PCDHA3: variants seen among roughly 807,000 people sequenced by gnomAD.
PCDHA3 encodes protocadherin alpha-3.
Under a neutral mutation model 62.2 loss-of-function variants are expected in PCDHA3, and 41 were observed. That is an observed-to-expected ratio of 0.66 (90% CI 0.51 to 0.86). The LOEUF is 0.86. Among genes scored for constraint, PCDHA3 ranks in the 40% least tolerant of loss-of-function variants. The probability of loss-of-function intolerance (pLI) is 0.00; values close to 1 mark genes in which losing one functional copy is unlikely to be tolerated. For synonymous variants in PCDHA3, 640 were observed against 555.4 expected (o/e 1.15, Z -2.14); for missense variants, 1,304 against 1,241.2 (o/e 1.05, Z -0.76).
intron 1 of PCDHA3, chr5:140,876,955 G>A: frequency 6.2e-7 from 1 of 1,613,390 alleles, no homozygotes; most frequent in Non-Finnish European, 8.5e-7. Context: ...CTACTCGCTG[G>A]TGGAGCGGCG....
At chr5:140,841,243 T>G in intron 1 of PCDHA3, 1 of 1,494,736 alleles carries the variant, frequency 6.7e-7, no homozygotes, top group Non-Finnish European at 9.0e-7. Flanking sequence ...GCAGCGGAAT[T>G]GGATTAAAAG....
At chr5:140,955,126 G>T (rs947007538) in intron 1 of PCDHA3, among the ~76,000 whole-genome samples, 6 of 152,110 alleles carry the variant, frequency 3.9e-5, no homozygotes, top group African/African-American at 1.4e-4. Flanking sequence ...CTGTTCCACT[G>T]GTCTACACGT....
chr5:140,889,035 T>C (rs1554183751), intron 1 of PCDHA3, among the ~76,000 whole-genome samples: 2 of 152,104 alleles, frequency 1.3e-5, no homozygotes. Flanking sequence ...AACCGTAATT[T>C]GATTATAATT....
Position 140,978,948 on chromosome 5 carries a change from G to A in PCDHA3, c.2395-1G>A, listed in dbSNP as rs1554239939. On this transcript the variant is annotated splice_acceptor_variant, in intron 1 of 3. Transcript: ENST00000522353. LOFTEE classifies it high-confidence loss of function. ...AGAAAACTCTCTTTGTGATTTTGCA[G>A]CCACGACAGCCCAACCCTGACTGGC... is the stretch of plus-strand genomic sequence containing the variant. 1 of 1,614,128 alleles carries A rather than the reference G, an allele frequency of 6.2e-7. No individual in the cohort carries two copies. The highest frequency in any genetic ancestry group is 8.5e-7 in the Non-Finnish European group (1 of 1,180,018).
At chr5:140,878,747 A>G (rs1371286502) in intron 1 of PCDHA3, among the ~76,000 whole-genome samples, 1 of 152,186 alleles carries the variant, frequency 6.6e-6, no homozygotes, top group Non-Finnish European at 1.5e-5. Context: ...ACTTTCTTAC[A>G]TATCTTTAGT....
chr5:140,843,685 G>T (rs2150365041), intron 1 of PCDHA3: 1 of 1,589,062 alleles, frequency 6.3e-7, no homozygotes, highest in Non-Finnish European at 8.6e-7. Flanking sequence ...TAGGCGAAGA[G>T]CAAGATTTAA....
chr5:140,807,778 G>C, intron 1 of PCDHA3: 1 of 1,614,134 alleles, frequency 6.2e-7, no homozygotes, highest in Non-Finnish European at 8.5e-7. Context: ...TTATATTACG[G>C]AAATCTTTAG....
chr5:140,877,144 G>C, intron 1 of PCDHA3: 2 of 1,613,772 alleles, frequency 1.2e-6, no homozygotes, highest in South Asian at 1.1e-5. Context: ...CGTGCTGGAC[G>C]AGAACGACAA....
intron 1 of PCDHA3, chr5:140,824,450 T>C (rs1768125809): frequency 2.2e-6 from 1 of 452,052 alleles, no homozygotes; most frequent in African/African-American, 2.0e-5. Context: ...TATGACTACA[T>C]GAAAATTTAT....
At chr5:140,846,541 A>AT (rs1226302144) in intron 1 of PCDHA3, among the ~76,000 whole-genome samples, 1 of 147,480 alleles carries the variant, frequency 6.8e-6, no homozygotes, top group Non-Finnish European at 1.5e-5. Flanking sequence ...TGCCCTGCTA[A>AT]TTTTTTGTAT....
chr5:140,853,750 C>T (rs2042854263), intron 1 of PCDHA3: 1 of 988,454 alleles, frequency 1.0e-6, no homozygotes, highest in Non-Finnish European at 1.2e-6. Context: ...TGGTTCAAGG[C>T]TCCACCTCAG....
chr5:140,822,947 A>G (rs2150120611), intron 1 of PCDHA3: 1 of 1,614,124 alleles, frequency 6.2e-7, no homozygotes, highest in African/African-American at 1.3e-5. Context: ...CTAATGCCCC[A>G]CGTTCCCTTC....
At chr5:140,836,668 A>T in intron 1 of PCDHA3, 1 of 1,613,338 alleles carries the variant, frequency 6.2e-7, no homozygotes, top group Non-Finnish European at 8.5e-7. Context: ...TGCTCTGGGG[A>T]GGGCCCACCC....
intron 1 of PCDHA3, chr5:140,816,943 G>C (rs1258543587): frequency 1.3e-5 from 2 of 152,118 alleles, no homozygotes; most frequent in Non-Finnish European, 1.5e-5. Context: ...AGTGCCTGGA[G>C]TCAAGTGAGA....
At chr5:140,830,154 G>A (rs2150182095) in intron 1 of PCDHA3, 6 of 1,613,332 alleles carry the variant, frequency 3.7e-6, no homozygotes, top group South Asian at 1.1e-5. Context: ...GGCGCCGCGG[G>A]CCCAGAGGCG....
chr5:140,829,934 G>T (rs1176512976), intron 1 of PCDHA3: 3 of 1,613,878 alleles, frequency 1.9e-6, no homozygotes, highest in Non-Finnish European at 1.7e-6. Flanking sequence ...GCAGCCCCCG[G>T]CAAGCAGCGC....
chr5:140,877,076 T>C, intron 1 of PCDHA3: 1 of 1,613,022 alleles, frequency 6.2e-7, no homozygotes, highest in Non-Finnish European at 8.5e-7. Flanking sequence ...CAGTTCCAGG[T>C]GAGCGCGCGC....
At chr5:140,982,234 A>C (rs1039012011) in intron 2 of PCDHA3, 1 of 643,856 alleles carries the variant, frequency 1.6e-6, no homozygotes. Flanking sequence ...AAAAAACAGA[A>C]TTGCCATAAA....
chr5:140,836,618 G>A (rs2150265827), intron 1 of PCDHA3: 4 of 1,613,598 alleles, frequency 2.5e-6, no homozygotes, highest in African/African-American at 2.7e-5. Flanking sequence ...CCAGCGCGGT[G>A]GGGAGCTGGT....
Sources: gnomAD v4.1 joint callset for allele counts (sites outside exome capture counted in the v4.1 genomes callset) on GRCh38, gnomAD v4.1.1 for gene constraint, MANE v1.5 for transcripts, NCBI Gene and HGNC (gene_info 2026-07-23, HGNC 2026-07-21) for gene names.